PGR: variants seen among roughly 807,000 people sequenced by gnomAD.
The protein encoded by PGR is progesterone receptor.
In PGR, 25 loss-of-function variants were observed where a neutral mutation model predicts 76.1. The observed-to-expected ratio is 0.33, with a 90% CI of 0.24 to 0.46. The LOEUF is 0.46. Among genes scored for constraint, PGR ranks in the 20% least tolerant of loss-of-function variants. PGR has a pLI of 1.00. For missense variants in PGR, 1,172 were observed against 1,225.3 expected (o/e 0.96, Z 0.65); for synonymous variants, 579 against 535.0 (o/e 1.08, Z -1.14).
intron 6 of PGR, 110 bp downstream of exon 6, chr11:101,049,819 A>G: frequency 1.2e-6 from 1 of 832,826 alleles, no homozygotes; most frequent in Middle Eastern, 3.3e-4. Flanking sequence ...CTTTATACTT[A>G]TAATCCAAGA....
At chr11:101,105,323 G>A (rs1428268032) in intron 2 of PGR, among the ~76,000 whole-genome samples, 1 of 152,114 alleles carries the variant, frequency 6.6e-6, no homozygotes, top group African/African-American at 2.4e-5. Context: ...TGGAATCTAG[G>A]AAGGTAAGGA....
In PGR at chr11:101,034,156, T is replaced by A. The variant is rs1223676906; in HGVS notation, c.*4960A>T. ...TTTCAACCAGCTTAAAAATAATGCC[T>A]CTCCCATGTCTCCATGAGTGGAAAA... On this transcript the variant is annotated 3_prime_UTR_variant, in exon 8 of 8. Coordinates refer to ENST00000325455, the MANE Select transcript of PGR (RefSeq NM_000926.4). 4.4e-6 allele frequency: 1 copy of A among 227,250 alleles called. No individual in the cohort carries two copies. The highest frequency in any genetic ancestry group is 2.2e-5 in the African/African-American group (1 of 44,998). 14.1% of individuals were successfully genotyped at this position (227,250 alleles called of 1,614,324 possible).
chr11:101,126,484 A>C (rs1862842539), intron 1 of PGR, among the ~76,000 whole-genome samples: 1 of 152,254 alleles, frequency 6.6e-6, no homozygotes, highest in African/African-American at 2.4e-5. Context: ...AGTCTTTGAC[A>C]AATGAAATGT....
At chr11:101,121,773 A>C (rs909130438) in intron 2 of PGR, among the ~76,000 whole-genome samples, 1 of 152,236 alleles carries the variant, frequency 6.6e-6, no homozygotes, top group African/African-American at 2.4e-5. Flanking sequence ...TGGTTTCACC[A>C]GTACCTAACA....
intron 6 of PGR, among the ~76,000 whole-genome samples, chr11:101,044,498 G>A (rs541642511): frequency 2.0e-5 from 3 of 152,044 alleles, no homozygotes; most frequent in African/African-American, 7.2e-5. Context: ...CACTGGAATG[G>A]CACTTTTAAA....
At chr11:101,090,961 G>C (rs1378382084) in intron 3 of PGR, among the ~76,000 whole-genome samples, 1 of 152,104 alleles carries the variant, frequency 6.6e-6, no homozygotes, top group African/African-American at 2.4e-5. Flanking sequence ...TTAGTGCACT[G>C]AAAAAACATT....
chr11:101,102,182 G>T (rs377726500), intron 2 of PGR, among the ~76,000 whole-genome samples: 5 of 152,090 alleles, frequency 3.3e-5, no homozygotes, highest in African/African-American at 9.7e-5. Context: ...TTCCTGACTG[G>T]ATCCTGAATA....
chr11:101,072,912 A>G (rs1303450553), intron 3 of PGR, among the ~76,000 whole-genome samples: 1 of 152,156 alleles, frequency 6.6e-6, no homozygotes, highest in Admixed American at 6.5e-5. Context: ...TAGACAGATC[A>G]ACAAGACAGA....
At chr11:101,101,876 A>G (rs1862006549) in intron 2 of PGR, among the ~76,000 whole-genome samples, 1 of 152,220 alleles carries the variant, frequency 6.6e-6, no homozygotes, top group South Asian at 2.1e-4. Context: ...ATACTGAGAG[A>G]GAGAATTCAC....
At chr11:101,107,308 A>G (rs1056812834) in intron 2 of PGR, among the ~76,000 whole-genome samples, 8 of 152,148 alleles carry the variant, frequency 5.3e-5, no homozygotes, top group African/African-American at 1.9e-4. Context: ...TCAGCTTTTC[A>G]TCTATCTTTC....
intron 4 of PGR, among the ~76,000 whole-genome samples, chr11:101,062,188 G>T (rs1203409839): frequency 6.6e-6 from 1 of 152,068 alleles, no homozygotes. Flanking sequence ...ATAAACCTAA[G>T]CTATTTCTTA....
chr11:101,073,405 C>T (rs1861014327), intron 3 of PGR, among the ~76,000 whole-genome samples: 1 of 151,884 alleles, frequency 6.6e-6, no homozygotes, highest in African/African-American at 2.4e-5. Flanking sequence ...ACGCTAATAT[C>T]ACAATTAAAA....
At chr11:101,077,222 T>C (rs1861158517) in intron 3 of PGR, among the ~76,000 whole-genome samples, 1 of 152,116 alleles carries the variant, frequency 6.6e-6, no homozygotes, top group Non-Finnish European at 1.5e-5. Flanking sequence ...GAAGGATGTC[T>C]AGAGGCATGC....
rs760137389 is a variant in PGR at position 101,034,762 on chromosome 11, T to G, written c.*4354A>C. 1.1e-4 allele frequency: 19 copies of G among 175,928 alleles called. No homozygotes were observed. Among genetic ancestry groups the G allele is most frequent in the Non-Finnish European group, 2.2e-4 (18 of 81,518 alleles). The allele number at this position is 175,928 out of a possible 1,614,324, so 10.9% of individuals were successfully genotyped here. On this transcript the variant is annotated 3_prime_UTR_variant, in exon 8 of 8. Coordinates refer to ENST00000325455, the MANE Select transcript of PGR (RefSeq NM_000926.4). ...CAGCTTGGATTCATCTTATGGATGT[T>G]GACTAATCTGGCTTGGATTATATTT...
rs1298114491 is a variant in PGR at position 101,128,295 on chromosome 11, C to T, written c.776G>A (p.Gly259Glu). 3.1e-6 allele frequency: 5 copies of T among 1,592,230 alleles called. No homozygotes were observed. Among genetic ancestry groups the T allele is most frequent in the Non-Finnish European group, 4.3e-6 (5 of 1,175,490 alleles). ...AGGGAAAVPP[G>E]AAAGGVALVP... ...CAGGGCGACGCCTCCTGCTGCCGCC[C>T]CCGGCGGGACAGCCGCGGCTCCTCC... The change falls in exon 1 of 8, where the codon GGG becomes GAG. Residue 259 changes from glycine to glutamate, a missense_variant. By Grantham distance (98) the Gly-to-Glu change is moderately conservative (BLOSUM62 -2). Transcript: ENST00000325455.
intron 2 of PGR, among the ~76,000 whole-genome samples, chr11:101,092,904 C>T (rs1328420836): frequency 6.6e-6 from 1 of 151,978 alleles, no homozygotes; most frequent in Non-Finnish European, 1.5e-5. Flanking sequence ...TAGTATTTTA[C>T]ATTAGTTAAG....
chr11:101,045,368 T>G (rs1412670417), intron 6 of PGR, among the ~76,000 whole-genome samples: 3 of 152,172 alleles, frequency 2.0e-5, no homozygotes, highest in South Asian at 2.1e-4. Flanking sequence ...ATGAATATAT[T>G]GCATAGTGGT....
At chr11:101,123,060 G>A (rs1464822679) in intron 2 of PGR, among the ~76,000 whole-genome samples, 1 of 152,044 alleles carries the variant, frequency 6.6e-6, no homozygotes, top group Non-Finnish European at 1.5e-5. Context: ...GTCAAGGGCC[G>A]GGATTCTGGA....
intron 3 of PGR, among the ~76,000 whole-genome samples, chr11:101,079,100 C>T (rs148582584): frequency 9.3e-4 from 142 of 152,194 alleles, no homozygotes; most frequent in African/African-American, 3.4e-3. Context: ...AGAACTAGAT[C>T]ACTATCACTC....
Sources: allele counts gnomAD v4.1 joint callset (sites outside exome capture counted in the v4.1 genomes callset), GRCh38; gene constraint gnomAD v4.1.1; transcripts MANE v1.5; gene names NCBI Gene and HGNC (gene_info 2026-07-23, HGNC 2026-07-21).